EXOC6: variants seen among roughly 807,000 people sequenced by gnomAD.
The protein encoded by EXOC6 is SEC15-like 1.
Under a neutral mutation model 112.5 loss-of-function variants are expected in EXOC6, and 60 were observed. That is an observed-to-expected ratio of 0.53 (90% CI 0.43 to 0.66). EXOC6 has a LOEUF of 0.66. Ranked by LOEUF, EXOC6 falls within the 30% of genes least tolerant of loss-of-function variation. EXOC6 has a pLI of 0.00. For synonymous variants in EXOC6, 295 were observed against 308.0 expected (o/e 0.96, Z 0.44); for missense variants, 855 against 957.1 (o/e 0.89, Z 1.41).
At chr10:92,909,395 T>C (rs748154453) in intron 5 of EXOC6, 32 bp from the exon 6 acceptor site, 2 of 1,480,054 alleles carry the variant, frequency 1.4e-6, no homozygotes, top group South Asian at 2.5e-5. Context: ...ATAAGAACTT[T>C]TTATAGAGTT....
intron 1 of EXOC6, among the ~76,000 whole-genome samples, chr10:92,872,004 G>A (rs972548709): frequency 1.3e-5 from 2 of 151,798 alleles, no homozygotes; most frequent in African/African-American, 4.8e-5. Flanking sequence ...AACCTGTTTA[G>A]TAGTTCCATA....
chr10:92,856,183 A>G (rs1205200999), intron 1 of EXOC6, among the ~76,000 whole-genome samples: 1 of 151,744 alleles, frequency 6.6e-6, no homozygotes, highest in Non-Finnish European at 1.5e-5. Flanking sequence ...TTTTTCTGTT[A>G]CATTTACATC....
intron 1 of EXOC6, among the ~76,000 whole-genome samples, chr10:92,836,552 T>G (rs1312248662): frequency 6.6e-6 from 1 of 152,192 alleles, no homozygotes; most frequent in Non-Finnish European, 1.5e-5. Flanking sequence ...GTGAGAACAC[T>G]CCTTTCCAAA....
intron 18 of EXOC6, among the ~76,000 whole-genome samples, chr10:92,991,435 C>CAA (rs1449664701): frequency 0.02 from 973 of 48,674 alleles, 26 homozygotes; most frequent in African/African-American, 0.058. Context: ...GACTCCATCT[C>CAA]AAAAAAAAAA....
intron 13 of EXOC6, among the ~76,000 whole-genome samples, chr10:92,945,345 T>C (rs1026792052): frequency 6.6e-6 from 1 of 152,230 alleles, no homozygotes; most frequent in Non-Finnish European, 1.5e-5. Context: ...TTCTGTTGTT[T>C]CCTTGCTGTG....
At chr10:92,911,297 C>T (rs1850747778) in intron 6 of EXOC6, among the ~76,000 whole-genome samples, 1 of 152,086 alleles carries the variant, frequency 6.6e-6, no homozygotes, top group Non-Finnish European at 1.5e-5. Flanking sequence ...GGGTCTTCCC[C>T]ATTATAGAGC....
At chr10:92,984,510 GCTT>G (rs1842933505) in intron 18 of EXOC6, among the ~76,000 whole-genome samples, 1 of 151,740 alleles carries the variant, frequency 6.6e-6, no homozygotes. Context: ...TGGATCCCAG[GCTT>G]CTTGTTTTTT....
chr10:92,977,949 C>T (rs1037807185), intron 18 of EXOC6, among the ~76,000 whole-genome samples: 1 of 152,152 alleles, frequency 6.6e-6, no homozygotes, highest in African/African-American at 2.4e-5. Context: ...CTATCTGTTA[C>T]GACATTTTGT....
chr10:92,847,835 CTTTTTTTT>C (rs3078184), upstream of EXOC6, among the ~76,000 whole-genome samples: 4 of 93,656 alleles, frequency 4.3e-5, no homozygotes, highest in African/African-American at 8.2e-5. Context: ...CGCCCTGGGC[CTTTTTTTT>C]TTTTTTTTTT....
chr10:92,946,623 A>T (rs2133990681), intron 13 of EXOC6, among the ~76,000 whole-genome samples: 1 of 152,270 alleles, frequency 6.6e-6, no homozygotes, highest in South Asian at 2.1e-4. Context: ...TACAGAGTGA[A>T]ATCTGGATGT....
At chr10:93,001,868 ATTC>A (rs1201278318) in intron 19 of EXOC6, among the ~76,000 whole-genome samples, 1 of 152,166 alleles carries the variant, frequency 6.6e-6, no homozygotes, top group East Asian at 1.9e-4. Context: ...CCTTATTCTT[ATTC>A]TTCTTATGTG....
At chr10:92,895,500 C>G (rs367908035) in intron 4 of EXOC6, among the ~76,000 whole-genome samples, 1 of 152,114 alleles carries the variant, frequency 6.6e-6, no homozygotes, top group African/African-American at 2.4e-5. Flanking sequence ...TGGATCTTCA[C>G]CATTCTTGCC....
intron 1 of EXOC6, among the ~76,000 whole-genome samples, chr10:92,862,339 C>G (rs548891618): frequency 1.3e-5 from 2 of 152,106 alleles, no homozygotes; most frequent in South Asian, 2.1e-4. Flanking sequence ...TGCCCCCCCC[C>G]CATAATTCAT....
chr10:92,833,309 C>G (rs1301530468), upstream of EXOC6, among the ~76,000 whole-genome samples: 1 of 152,208 alleles, frequency 6.6e-6, no homozygotes, highest in East Asian at 1.9e-4. Flanking sequence ...CCCTGAAGGT[C>G]TGTGGACCAG....
At chr10:92,848,509 G>A (rs1168431851), upstream of EXOC6, 2 of 1,268,736 alleles carry the variant, frequency 1.6e-6, no homozygotes, top group Admixed American at 2.7e-5. Flanking sequence ...GCCGCGCCTC[G>A]CTGGCTCCTC....
intron 12 of EXOC6, among the ~76,000 whole-genome samples, chr10:92,937,619 G>A (rs1187972212): frequency 6.6e-6 from 1 of 152,042 alleles, no homozygotes; most frequent in Non-Finnish European, 1.5e-5. Flanking sequence ...GATAAGGTGG[G>A]ATTTTTTGTT....
Position 92,934,067 on chromosome 10 carries a change from AGTT to A in EXOC6, c.973-74_973-72del. ...ACTCTCAATAAATATTTGTTAATGA[AGTT>A]GTAGTGACTTGGAACTTACCTTTAT... On this transcript the variant is annotated intron_variant, in intron 9 of 21. Transcript: ENST00000260762. 7.2e-6 allele frequency: 6 copies of A among 836,862 alleles called. No individual in the cohort carries two copies. The South Asian group carries it at 1.0e-4, about 14-fold the overall frequency. The allele number at this position is 836,862 out of a possible 1,614,324, so 51.8% of individuals were successfully genotyped here. A position where few individuals can be genotyped will look rare whatever the true frequency, so the allele number is the denominator to read the frequency against.
chr10:92,993,789 G>T (rs1305466243), intron 18 of EXOC6, among the ~76,000 whole-genome samples: 1 of 152,182 alleles, frequency 6.6e-6, no homozygotes, highest in African/African-American at 2.4e-5. Context: ...TAAACTGAGG[G>T]TTGGTGGTTT....
chr10:92,907,694 C>G (rs184984869), intron 5 of EXOC6, among the ~76,000 whole-genome samples: 1 of 152,210 alleles, frequency 6.6e-6, no homozygotes, highest in Admixed American at 6.5e-5. Context: ...GGAAATTAGT[C>G]AAGGATCAGA....
Sources: gnomAD v4.1 joint callset for allele counts (sites outside exome capture counted in the v4.1 genomes callset) on GRCh38, gnomAD v4.1.1 for gene constraint, MANE v1.5 for transcripts, NCBI Gene and HGNC (gene_info 2026-07-23, HGNC 2026-07-21) for gene names.